ZNF182: variants seen among roughly 807,000 people sequenced by gnomAD.
ZNF182 encodes zinc finger protein 182.
ZNF182 carries 10 observed loss-of-function variants against 28.1 expected under a neutral mutation model. That is an observed-to-expected ratio of 0.36 (90% confidence interval 0.22 to 0.60). The LOEUF is 0.60. Among genes scored for constraint, ZNF182 ranks in the 20% least tolerant of loss-of-function variants. The pLI is 0.75. For synonymous variants in ZNF182, 156 were observed against 158.7 expected (o/e 0.98, Z 0.13); for missense variants, 352 against 453.2 (o/e 0.78, Z 2.03).
At chrX:47,989,202 C>A (rs1385112228) in intron 3 of ZNF182, among the ~76,000 whole-genome samples, 2 of 111,177 alleles carry the variant, frequency 1.8e-5, no homozygotes, top group Non-Finnish European at 3.8e-5. Flanking sequence ...CTGAGATGGG[C>A]AGATCACTTG....
rs2146457209 is a variant in ZNF182, at chrX:47,977,755, T to C, written c.275A>G (p.Asp92Gly). Reference sequence around the variant, plus strand: ...CATCAGCAGACATTTATCTTGGTCATCCTGATGTTGCCTCTCAATCTGTTC... The same window carrying C: ...CATCAGCAGACATTTATCTTGGTCACCCTGATGTTGCCTCTCAATCTGTTC... ...VDEQIERQHQ[D>G]DQDKCLLMQV... The change falls in exon 6 of 6, where the codon GAT becomes GGT. Residue 92 changes from aspartate (D) to glycine (G), a missense_variant. Asp to Gly is a moderately conservative substitution (Grantham distance 94). Transcript: ENST00000376943. 1 of 1,196,103 alleles carries C rather than the reference T, an allele frequency of 8.4e-7. No individual in the cohort carries two copies. Among genetic ancestry groups the C allele is most frequent in the South Asian group, 1.9e-5 (1 of 53,763 alleles).
At chrX:47,995,024 A>G (rs1569411327) in intron 3 of ZNF182, among the ~76,000 whole-genome samples, 1 of 108,407 alleles carries the variant, frequency 9.2e-6, no homozygotes, top group Non-Finnish European at 1.9e-5. Flanking sequence ...AAAGAGTTCC[A>G]TTTCTTTTAT....
chrX:47,978,840 T>C lies in ZNF182; in HGVS notation c.233-1043A>G, dbSNP rs940695364. 4.6e-4 allele frequency among the ~76,000 whole-genome samples: 52 copies of C among 112,654 alleles called. 1 individual carries two copies. The highest frequency in any genetic ancestry group is 1.5e-3 in the African/African-American group (48 of 31,038). On this transcript the variant is annotated intron_variant, in intron 5 of 5. Coordinates refer to ENST00000376943, the MANE Select transcript of ZNF182 (RefSeq NM_001007088.2). ...AGTAGTCAGTCATCTGTATCACTCA[T>C]TTAAACAGTTAAAATTGCAAAGCTT...
At chrX:47,993,164 G>C (rs1376170982) in intron 3 of ZNF182, among the ~76,000 whole-genome samples, 1 of 112,452 alleles carries the variant, frequency 8.9e-6, no homozygotes, top group Non-Finnish European at 1.9e-5. Context: ...CCATGTTATG[G>C]AACTGCCATA....
At chrX:47,980,270 T>C (rs1234941764) in intron 5 of ZNF182, among the ~76,000 whole-genome samples, 1 of 109,777 alleles carries the variant, frequency 9.1e-6, no homozygotes, top group Non-Finnish European at 1.9e-5. Flanking sequence ...AAGTAGAGAG[T>C]AGAATAGTGA....
In ZNF182 at chrX:47,983,331, C is replaced by T; in HGVS notation, c.96G>A (p.Leu32=). The change falls in exon 4 of 6, where the codon CTG becomes CTA. Residue 32 remains leucine, a synonymous_variant. Transcript: ENST00000376943. ...WQYLNPPQRT[L]YRDVMLETYS... is the part of the protein sequence containing the mutation. ...AGGTCTCCAGCATCACGTCTCTGTA[C>T]AGGGTCCTCTGTGGTGGGTTCAGGT... 1 of 1,211,483 alleles carries T rather than the reference C, an allele frequency of 8.3e-7. No individual in the cohort carries two copies. Among genetic ancestry groups the T allele is most frequent in the Non-Finnish European group, 1.1e-6 (1 of 895,352 alleles).
chrX:47,981,813 T>C (rs946986915), intron 5 of ZNF182, among the ~76,000 whole-genome samples: 3 of 108,830 alleles, frequency 2.8e-5, no homozygotes, highest in Admixed American at 9.8e-5. Flanking sequence ...GGCAGGAAAA[T>C]TGCTTGAACC....
chrX:47,976,393 G>A lies in ZNF182; in HGVS notation c.1637C>T (p.Thr546Met), dbSNP rs376214467. Residue 546 changes from threonine to methionine, a missense_variant, in exon 6 of 6, where the codon ACG (threonine) becomes ATG (methionine). Physicochemically the swap from Thr to Met is moderately conservative, Grantham distance 81. Transcript: ENST00000376943. ...AGTGCATGCATAGGGTTTCTCTCCC[G>A]TGTGCGTTCTCTGATGTATTATGAG... ...SQLIIHQRTHTGEKPYACTEC... is the reference protein window; with the variant it reads ...SQLIIHQRTHMGEKPYACTEC... 12 of 1,209,282 alleles carry A rather than the reference G, an allele frequency of 9.9e-6. No individual in the cohort carries two copies. The highest frequency in any genetic ancestry group is 5.3e-5 in the African/African-American group (3 of 57,069).
rs143663036 is a variant in ZNF182 at position 47,975,316 on chromosome X, A to ACTC, written c.*850_*851insGAG. ...TTTCACAAACGCTGCATTAATGAATACTGTATGTTCATCATTTTGTACATG... is the reference window on the plus strand; with the variant it reads ...TTTCACAAACGCTGCATTAATGAATACTCCTGTATGTTCATCATTTTGTACATG... On this transcript the variant is annotated 3_prime_UTR_variant, in exon 6 of 6. Transcript: ENST00000376943. The ACTC allele has an allele frequency of 9.0e-6, 1 of 111,045 alleles. No individual in the cohort carries two copies. The highest frequency in any genetic ancestry group is 3.3e-5 in the African/African-American group (1 of 30,458). 9.2% of individuals were successfully genotyped at this position (111,045 alleles called of 1,213,427 possible).
chrX:47,988,688 G>A, intron 3 of ZNF182: 1 of 316,461 alleles, frequency 3.2e-6, no homozygotes, highest in Non-Finnish European at 5.6e-6. Flanking sequence ...AAATTATAGG[G>A]ATGTCTCAAA....
chrX:48,001,889 G>C (rs2058979545), intron 3 of ZNF182, among the ~76,000 whole-genome samples: 1 of 111,437 alleles, frequency 9.0e-6, no homozygotes, highest in South Asian at 3.7e-4. Flanking sequence ...GTAGCATGAA[G>C]GAGTTTTTTT....
intron 3 of ZNF182, among the ~76,000 whole-genome samples, chrX:47,988,173 T>C (rs1005511148): frequency 9.0e-6 from 1 of 110,667 alleles, no homozygotes; most frequent in Non-Finnish European, 1.9e-5. Flanking sequence ...AAAAATTAGC[T>C]GGCAGTGGTG....
At chrX:47,977,892 T>A in intron 5 of ZNF182, 95 bp from the exon 6 acceptor site, 1 of 801,576 alleles carries the variant, frequency 1.2e-6, no homozygotes, top group Non-Finnish European at 1.7e-6. Context: ...GATACTATAA[T>A]CTCATTTTAT....
At chrX:47,999,873 C>T (rs782644012) in intron 3 of ZNF182, among the ~76,000 whole-genome samples, 4 of 112,205 alleles carry the variant, frequency 3.6e-5, no homozygotes, top group East Asian at 2.8e-4. Context: ...CAGTGGCTCA[C>T]GCCTGTAATC....
rs1019033323 is a variant in ZNF182 at position 47,976,062 on chromosome X, T to G, written c.*105A>C. The G allele has an allele frequency of 1.9e-5, 16 of 833,682 alleles. No homozygotes were observed. The African/African-American group carries it at 3.3e-4, about 17-fold the overall frequency. The allele number at this position is 833,682 out of a possible 1,213,427, so 68.7% of individuals were successfully genotyped here. A position where few individuals can be genotyped will look rare whatever the true frequency, so the allele number is the denominator to read the frequency against. The stretch of plus-strand genomic sequence containing the variant: ...TGAGATGAAAAGAAGAAAGGCTGAA[T>G]TTACTCCCATATTTAAACCACAAGT... On this transcript the variant is annotated 3_prime_UTR_variant, in exon 6 of 6. Transcript: ENST00000376943.
chrX:47,980,971 G>A (rs1448730067), intron 5 of ZNF182, among the ~76,000 whole-genome samples: 1 of 111,432 alleles, frequency 9.0e-6, no homozygotes, highest in Non-Finnish European at 1.9e-5. Context: ...CATTCAACTC[G>A]CTATACACAA....
chrX:47,977,125 T>C lies in ZNF182; in HGVS notation c.905A>G (p.Asn302Ser). 1 of 1,210,859 alleles carries C rather than the reference T, an allele frequency of 8.3e-7. No homozygotes were observed. Among genetic ancestry groups the C allele is most frequent in the Non-Finnish European group, 1.1e-6 (1 of 895,236 alleles). ...THTGEKPYECNECGKAFTQKS... is the reference protein window; with the variant it reads ...THTGEKPYECSECGKAFTQKS... ...CTGAGTGAAGGCTTTTCCACATTCA[T>C]TACATTCATAAGGTTTTTCTCCTGT... Residue 302 changes from asparagine to serine, a missense_variant, in exon 6 of 6, where the codon AAT (asparagine) becomes AGT (serine). Transcript: ENST00000376943.
At chrX:47,999,290 G>C (rs1180327690) in intron 3 of ZNF182, among the ~76,000 whole-genome samples, 1 of 106,875 alleles carries the variant, frequency 9.4e-6, no homozygotes, top group African/African-American at 3.4e-5. Flanking sequence ...TGGGGCAGGA[G>C]AATCACTTGA....
chrX:47,999,312 G>A (rs1556901588), intron 3 of ZNF182, among the ~76,000 whole-genome samples: 1 of 107,545 alleles, frequency 9.3e-6, no homozygotes. Context: ...CCTGGGAGGC[G>A]GAAGTTGCAA....
Sources: allele counts gnomAD v4.1 joint callset (sites outside exome capture counted in the v4.1 genomes callset), GRCh38; gene constraint gnomAD v4.1.1; transcripts MANE v1.5; gene names NCBI Gene and HGNC (gene_info 2026-07-23, HGNC 2026-07-21).